The following LINGO2 variants were observed in gnomAD, a reference collection of about 807,000 sequenced individuals.
The protein encoded by LINGO2 is leucine-rich repeat and immunoglobulin-like domain-containing nogo receptor-interacting protein 2.
LINGO2 carries 14 observed loss-of-function variants against 30.6 expected under a neutral mutation model. That is an observed-to-expected ratio of 0.46 (90% CI 0.30 to 0.72). The LOEUF (loss-of-function observed/expected upper bound fraction) is 0.72, where lower values mean the gene tolerates loss of function less well. Among genes scored for constraint, LINGO2 ranks in the 30% least tolerant of loss-of-function variants. The pLI is 0.07. For missense variants in LINGO2, 729 were observed against 751.7 expected, an observed-to-expected ratio of 0.97 and a Z score of 0.35; for synonymous variants, 317 against 288.5, an observed-to-expected ratio of 1.10 and a Z score of -1.00.
At chr9:28,592,811 A>G (rs569019909) in intron 1 of LINGO2, among the ~76,000 whole-genome samples, 1 of 152,168 alleles carries the variant, frequency 6.6e-6, no homozygotes, top group South Asian at 2.1e-4. Context: ...TACACTTTCC[A>G]AAAAGATGAA....
chr9:28,299,856 T>C (rs1257677184), intron 3 of LINGO2, among the ~76,000 whole-genome samples: 1 of 152,116 alleles, frequency 6.6e-6, no homozygotes, highest in African/African-American at 2.4e-5. Flanking sequence ...CAGATCTCAA[T>C]AGGGTCTGGA....
At chr9:28,921,964 G>C in the LINGO2 span, among the ~76,000 whole-genome samples, 1 of 152,114 alleles carries the variant, frequency 6.6e-6, no homozygotes, top group Non-Finnish European at 1.5e-5. Context: ...TTGGCAGGTG[G>C]TCTTCTCCAT....
chr9:28,099,066 A>G (rs984102657), intron 4 of LINGO2, among the ~76,000 whole-genome samples: 3 of 152,184 alleles, frequency 2.0e-5, no homozygotes, highest in African/African-American at 7.2e-5. Context: ...TGCTAATAGC[A>G]TAGAAAGACT....
the LINGO2 span, among the ~76,000 whole-genome samples, chr9:28,681,893 C>G: frequency 1.3e-5 from 2 of 152,064 alleles, no homozygotes; most frequent in Admixed American, 6.6e-5. Flanking sequence ...ATTCAATCAA[C>G]CAACTATAAA....
At chr9:28,737,092 G>C in the LINGO2 span, among the ~76,000 whole-genome samples, 1 of 152,174 alleles carries the variant, frequency 6.6e-6, no homozygotes, top group Non-Finnish European at 1.5e-5. Context: ...AAAGTTCTGG[G>C]TTCAGGCATT....
intron 5 of LINGO2, among the ~76,000 whole-genome samples, chr9:27,976,933 A>T (rs1045360968): frequency 1.3e-5 from 2 of 151,920 alleles, no homozygotes; most frequent in Non-Finnish European, 2.9e-5. Flanking sequence ...ATTTTTTTTT[A>T]AATCTAAGTT....
chr9:28,625,942 A>G (rs1373799956), intron 1 of LINGO2, among the ~76,000 whole-genome samples: 1 of 152,134 alleles, frequency 6.6e-6, no homozygotes, highest in Non-Finnish European at 1.5e-5. Flanking sequence ...TTTCTTGGGT[A>G]AATACCGAAT....
chr9:28,398,489 G>T (rs1822139488), intron 2 of LINGO2, among the ~76,000 whole-genome samples: 1 of 151,846 alleles, frequency 6.6e-6, no homozygotes, highest in African/African-American at 2.4e-5. Flanking sequence ...GATACAGTTT[G>T]GCAAAAATGT....
chr9:28,336,597 T>C (rs926865554), intron 3 of LINGO2, among the ~76,000 whole-genome samples: 1 of 152,126 alleles, frequency 6.6e-6, no homozygotes, highest in African/African-American at 2.4e-5. Context: ...ATAACATCAG[T>C]TTTAGGTCAA....
the LINGO2 span, among the ~76,000 whole-genome samples, chr9:29,189,609 G>C: frequency 6.6e-6 from 1 of 152,074 alleles, no homozygotes; most frequent in South Asian, 2.1e-4. Flanking sequence ...TTCCCAGACG[G>C]GGTGGCGGCC....
chr9:28,206,663 C>G (rs965686282), intron 4 of LINGO2, among the ~76,000 whole-genome samples: 2 of 152,138 alleles, frequency 1.3e-5, no homozygotes, highest in African/African-American at 4.8e-5. Context: ...GATAAAAATA[C>G]TAGCTCTTTA....
At chr9:28,041,700 T>A (rs1189071809) in intron 4 of LINGO2, among the ~76,000 whole-genome samples, 1 of 152,238 alleles carries the variant, frequency 6.6e-6, no homozygotes, top group East Asian at 1.9e-4. Context: ...TTGGCAGAGA[T>A]GTGAGCCCAG....
the LINGO2 span, among the ~76,000 whole-genome samples, chr9:28,800,350 C>T: frequency 6.6e-6 from 1 of 151,978 alleles, no homozygotes; most frequent in Non-Finnish European, 1.5e-5. Context: ...TTTGAAGTTT[C>T]AATTTATATT....
At chr9:28,686,170 TCAAGCCTTA>T in the LINGO2 span, among the ~76,000 whole-genome samples, 341 of 152,220 alleles carry the variant, frequency 2.2e-3, 2 homozygotes, top group African/African-American at 7.8e-3. Flanking sequence ...ATAAATATCC[TCAAGCCTTA>T]CATCTTCTTT....
chr9:28,874,349 CAAAAT>C, the LINGO2 span, among the ~76,000 whole-genome samples: 1 of 151,758 alleles, frequency 6.6e-6, no homozygotes, highest in Non-Finnish European at 1.5e-5. Flanking sequence ...TTAAAAAAAT[CAAAAT>C]AAATTAAAGC....
chr9:29,074,880 G>A, the LINGO2 span, among the ~76,000 whole-genome samples: 1 of 151,200 alleles, frequency 6.6e-6, no homozygotes, highest in Non-Finnish European at 1.5e-5. Flanking sequence ...GCTTCACTGT[G>A]TTAGCCAGGA....
At chr9:28,196,864 T>G (rs1281057540) in intron 4 of LINGO2, among the ~76,000 whole-genome samples, 1 of 151,848 alleles carries the variant, frequency 6.6e-6, no homozygotes, top group Non-Finnish European at 1.5e-5. Context: ...CAAATGGAGA[T>G]AAAGGGTAGA....
At chr9:29,027,684 A>G in the LINGO2 span, among the ~76,000 whole-genome samples, 1 of 152,164 alleles carries the variant, frequency 6.6e-6, no homozygotes, top group Admixed American at 6.6e-5. Flanking sequence ...GCTGTAAATT[A>G]GTCTAATTGA....
intron 2 of LINGO2, among the ~76,000 whole-genome samples, chr9:28,463,033 T>C (rs1490758750): frequency 1.3e-5 from 2 of 152,042 alleles, no homozygotes; most frequent in Non-Finnish European, 2.9e-5. Flanking sequence ...AGATGACATT[T>C]AGTTTCTGGT....
Sources: allele counts gnomAD v4.1 joint callset (sites outside exome capture counted in the v4.1 genomes callset), GRCh38; gene constraint gnomAD v4.1.1; transcripts MANE v1.5; gene names NCBI Gene and HGNC (gene_info 2026-07-23, HGNC 2026-07-21).